Variants in TES observed in about 807,000 individuals in gnomAD.
TES encodes the protein testin.
Under a neutral mutation model 48.2 loss-of-function variants are expected in TES, and 41 were observed. The ratio of observed to expected loss-of-function variants is 0.85; its 90% CI spans 0.66 to 1.10. The LOEUF is 1.10. Among genes scored for constraint, TES ranks in the 50% least tolerant of loss-of-function variants. The probability of loss-of-function intolerance (pLI) is 0.00; values close to 1 mark genes in which losing one functional copy is unlikely to be tolerated. For missense variants in TES, 463 were observed against 515.1 expected, an observed-to-expected ratio of 0.90 and a Z score of 0.98; for synonymous variants, 162 against 174.9, an observed-to-expected ratio of 0.93 and a Z score of 0.58.
At chr7:116,229,396 G>A (rs577504876) in intron 1 of TES, among the ~76,000 whole-genome samples, 3 of 152,136 alleles carry the variant, frequency 2.0e-5, no homozygotes, top group Non-Finnish European at 4.4e-5. Context: ...TATGCTGAGG[G>A]TAAAGAGAAG....
chr7:116,235,422 A>G (rs531630480), intron 2 of TES, among the ~76,000 whole-genome samples: 6 of 152,340 alleles, frequency 3.9e-5, no homozygotes, highest in Admixed American at 3.3e-4. Context: ...TTACTAGTGA[A>G]AAACCATTGA....
chr7:116,250,446 G>A lies in TES; in HGVS notation c.652G>A (p.Ala218Thr), dbSNP rs1373082135. The change falls in exon 4 of 7, where the codon GCA becomes ACA. Residue 218 changes from alanine (A) to threonine (T), a missense_variant. Coordinates refer to ENST00000358204, the MANE Select transcript of TES (RefSeq NM_015641.4). ...IPGGDRSTPA[A>T]VGAMEDKSAE... The stretch of plus-strand genomic sequence containing the variant: ...TGGAGGGGATAGAAGCACCCCAGCA[G>A]CAGTGGGGGCCATGGAGGACAAATC... 1.9e-6 allele frequency: 3 copies of A among 1,593,958 alleles called. No homozygotes were observed. The highest frequency in any genetic ancestry group is 1.3e-5 in the African/African-American group (1 of 74,248).
chr7:116,228,234 A>T (rs1799650156), intron 1 of TES, among the ~76,000 whole-genome samples: 1 of 152,162 alleles, frequency 6.6e-6, no homozygotes, highest in Admixed American at 6.5e-5. Context: ...GCAGTTAAAG[A>T]TACTTAAGAC....
At chr7:116,251,122 C>G (rs557936273) in intron 4 of TES, among the ~76,000 whole-genome samples, 20 of 152,156 alleles carry the variant, frequency 1.3e-4, no homozygotes, top group African/African-American at 4.8e-4. Flanking sequence ...CACTAATAAG[C>G]CCTGAGGTGA....
chr7:116,222,999 T>G, intron 1 of TES: 1 of 985,006 alleles, frequency 1.0e-6, no homozygotes, highest in Non-Finnish European at 1.2e-6. Flanking sequence ...CTTTTCTGAG[T>G]AGAGTCCACA....
chr7:116,228,788 C>T (rs1799656736), intron 1 of TES, among the ~76,000 whole-genome samples: 1 of 151,822 alleles, frequency 6.6e-6, no homozygotes, highest in African/African-American at 2.4e-5. Context: ...GTTAATCTGA[C>T]ACATGATTTG....
chr7:116,219,608 A>G (rs1296191459), intron 1 of TES, among the ~76,000 whole-genome samples: 1 of 152,166 alleles, frequency 6.6e-6, no homozygotes, highest in Non-Finnish European at 1.5e-5. Context: ...TCTTATGCCA[A>G]AGCAGTCACA....
chr7:116,250,872 C>T (rs560875371), intron 4 of TES, among the ~76,000 whole-genome samples: 1 of 152,206 alleles, frequency 6.6e-6, no homozygotes, highest in South Asian at 2.1e-4. Context: ...TAGGTTAATT[C>T]AGTTTTGCTT....
chr7:116,255,576 T>C (rs966609433), intron 6 of TES, among the ~76,000 whole-genome samples: 4 of 152,264 alleles, frequency 2.6e-5, no homozygotes, highest in Non-Finnish European at 5.9e-5. Flanking sequence ...ATTTCATGTG[T>C]AATTGAACAT....
chr7:116,229,008 ATATATATAT>A (rs1799660929), intron 1 of TES, among the ~76,000 whole-genome samples: 1 of 96,714 alleles, frequency 1.0e-5, no homozygotes, highest in Non-Finnish European at 2.3e-5. Flanking sequence ...CTATATATAT[ATATATATAT>A]ATATATATAT....
chr7:116,252,116 A>G (rs555202222), intron 5 of TES, 141 bp downstream of exon 5: 6 of 1,018,482 alleles, frequency 5.9e-6, no homozygotes, highest in South Asian at 1.7e-5. Context: ...AACTTCTGAT[A>G]TCATTCATTC....
intron 6 of TES, among the ~76,000 whole-genome samples, chr7:116,256,384 G>C (rs191348635): frequency 6.6e-6 from 1 of 152,292 alleles, no homozygotes; most frequent in Non-Finnish European, 1.5e-5. Flanking sequence ...TGTGATACCA[G>C]ACAGTCTTGC....
At chr7:116,244,418 A>G (rs1799893581) in intron 2 of TES, among the ~76,000 whole-genome samples, 1 of 152,254 alleles carries the variant, frequency 6.6e-6, no homozygotes, top group South Asian at 2.1e-4. Context: ...TGGGAGATCA[A>G]AATCCAATAG....
chr7:116,257,686 T>C lies in TES; in HGVS notation c.*204T>C, dbSNP rs1800122894. ...AAACTTGGTTTAAGCATTTGATTTG[T>C]AAAACAGTAAATAATTGTATCTTTC... On this transcript the variant is annotated 3_prime_UTR_variant, in exon 7 of 7. Coordinates refer to ENST00000358204, the MANE Select transcript of TES (RefSeq NM_015641.4). 2.2e-6 allele frequency: 1 copy of C among 449,466 alleles called. No individual in the cohort carries two copies. Among genetic ancestry groups the C allele is most frequent in the Admixed American group, 4.0e-5 (1 of 25,180 alleles). 27.8% of individuals were successfully genotyped at this position (449,466 alleles called of 1,614,324 possible).
chr7:116,211,424 A>T (rs975640354), intron 1 of TES: 4 of 152,188 alleles, frequency 2.6e-5, no homozygotes, highest in Non-Finnish European at 5.9e-5. Flanking sequence ...GCAGGGAGAC[A>T]TTTTCAGCTT....
intron 2 of TES, among the ~76,000 whole-genome samples, chr7:116,236,501 T>C (rs568568473): frequency 1.3e-5 from 2 of 152,216 alleles, no homozygotes; most frequent in Non-Finnish European, 2.9e-5. Context: ...CCCCAAGATA[T>C]CTCATTGTTT....
At chr7:116,244,093 A>G (rs964246383) in intron 2 of TES, among the ~76,000 whole-genome samples, 1 of 152,216 alleles carries the variant, frequency 6.6e-6, no homozygotes, top group Admixed American at 6.5e-5. Flanking sequence ...AATACAATTC[A>G]AGATGAGATT....
At position 116,258,668 on chromosome 7, in the gene TES, A is replaced by G. The variant is rs1800142238; in HGVS notation, c.*1186A>G. The stretch of plus-strand genomic sequence containing the variant: ...TCTTCACTTGTATATTTTCATGGCT[A>G]GGTATTTCTAATGTTTATTCTTCCC... On this transcript the variant is annotated 3_prime_UTR_variant, in exon 7 of 7. Coordinates refer to ENST00000358204, the MANE Select transcript of TES (RefSeq NM_015641.4). 1 of 152,602 alleles carries G rather than the reference A, an allele frequency of 6.6e-6. No individual in the cohort carries two copies. The highest frequency in any genetic ancestry group is 6.5e-5 in the Admixed American group (1 of 15,274). 9.5% of individuals were successfully genotyped at this position (152,602 alleles called of 1,614,324 possible).
intron 2 of TES, among the ~76,000 whole-genome samples, chr7:116,236,162 G>GCT (rs1440094171): frequency 6.6e-6 from 1 of 152,146 alleles, no homozygotes; most frequent in African/African-American, 2.4e-5. Context: ...TGCTCTTAAT[G>GCT]CTCACACTAT....
Sources: gnomAD v4.1 joint callset for allele counts (sites outside exome capture counted in the v4.1 genomes callset) on GRCh38, gnomAD v4.1.1 for gene constraint, MANE v1.5 for transcripts, NCBI Gene and HGNC (gene_info 2026-07-23, HGNC 2026-07-21) for gene names.